The following PNLIPRP3 variants were observed in gnomAD, a reference collection of about 807,000 sequenced individuals.
PNLIPRP3 encodes pancreatic lipase related protein 3, also known as pancreatic lipase-related protein 3.
Under a neutral mutation model 52.8 loss-of-function variants are expected in PNLIPRP3, and 58 were observed. That is an observed-to-expected ratio of 1.10 (90% CI 0.89 to 1.37). PNLIPRP3 has a LOEUF of 1.37. Among genes scored for constraint, PNLIPRP3 ranks in the 40% most tolerant of loss-of-function variants. The pLI is 0.00. For synonymous variants in PNLIPRP3, 192 were observed against 185.0 expected, an observed-to-expected ratio of 1.04 and a Z score of -0.31; for missense variants, 593 against 561.6, an observed-to-expected ratio of 1.06 and a Z score of -0.57.
intron 5 of PNLIPRP3, among the ~76,000 whole-genome samples, chr10:116,460,689 T>C (rs889492257): frequency 6.6e-6 from 1 of 152,256 alleles, no homozygotes; most frequent in Admixed American, 6.5e-5. Flanking sequence ...TTATTGTATA[T>C]ATGGTATTCC....
chr10:116,449,682 C>G (rs917847265), intron 4 of PNLIPRP3, among the ~76,000 whole-genome samples: 5 of 152,088 alleles, frequency 3.3e-5, no homozygotes, highest in Non-Finnish European at 7.4e-5. Flanking sequence ...GATAGATCAC[C>G]TAGATGGAAA....
chr10:116,441,434 A>T (rs1219773827), intron 2 of PNLIPRP3, among the ~76,000 whole-genome samples: 4 of 152,172 alleles, frequency 2.6e-5, no homozygotes, highest in African/African-American at 4.8e-5. Flanking sequence ...GGTTTTTCAG[A>T]TGTAGAAATG....
chr10:116,438,841 A>C (rs1564693512), intron 2 of PNLIPRP3, among the ~76,000 whole-genome samples: 1 of 152,212 alleles, frequency 6.6e-6, no homozygotes, highest in Non-Finnish European at 1.5e-5. Context: ...ACTTATAAAG[A>C]AACATTCCTC....
chr10:116,443,801 G>GTATGTATA (rs1845898955), intron 3 of PNLIPRP3, among the ~76,000 whole-genome samples: 2 of 11,158 alleles, frequency 1.8e-4, no homozygotes, highest in African/African-American at 3.9e-4. Flanking sequence ...ATGTGTGTGT[G>GTATGTATA]CATATATATA....
At chr10:116,460,018 G>C (rs374367692) in intron 5 of PNLIPRP3, among the ~76,000 whole-genome samples, 2 of 152,072 alleles carry the variant, frequency 1.3e-5, no homozygotes, top group East Asian at 3.9e-4. Flanking sequence ...CACCCGCCTC[G>C]GCCTCCGAGG....
intron 1 of PNLIPRP3, among the ~76,000 whole-genome samples, chr10:116,431,929 T>C (rs1024539125): frequency 1.3e-5 from 2 of 152,096 alleles, no homozygotes; most frequent in African/African-American, 4.8e-5. Context: ...CCCCCAGGTC[T>C]TGATGCAAAT....
chr10:116,457,922 T>A (rs1187859751), intron 5 of PNLIPRP3, among the ~76,000 whole-genome samples: 2 of 152,218 alleles, frequency 1.3e-5, no homozygotes, highest in African/African-American at 4.8e-5. Context: ...GAATTAATAT[T>A]ATGTGGATGT....
At position 116,461,655 on chromosome 10, in the gene PNLIPRP3, T is replaced by C. The variant is rs150383683; in HGVS notation, c.808+365T>C. Among the ~76,000 whole-genome samples the C allele has an allele frequency of 5.3e-4, 80 of 152,244 alleles. 2 individuals carry two copies. Among genetic ancestry groups the C allele is most frequent in the Middle Eastern group, 3.4e-3 (1 of 294 alleles). On this transcript the variant is annotated intron_variant, in intron 7 of 11. Transcript: ENST00000369230. ...AGACAAAGGTGCCTCCCTGATGGAG[T>C]TCATTTTCTAACTTGTTAGGAAACC...
At chr10:116,474,908 A>T (rs1211872948) in intron 10 of PNLIPRP3, among the ~76,000 whole-genome samples, 1 of 152,216 alleles carries the variant, frequency 6.6e-6, no homozygotes, top group African/African-American at 2.4e-5. Context: ...CAGAAATATC[A>T]TTTGACCCAG....
At chr10:116,453,534 C>G (rs1449381119) in intron 4 of PNLIPRP3, among the ~76,000 whole-genome samples, 1 of 152,038 alleles carries the variant, frequency 6.6e-6, no homozygotes, top group Admixed American at 6.6e-5. Context: ...ATGTCATCCC[C>G]AATTTGGAAA....
intron 10 of PNLIPRP3, among the ~76,000 whole-genome samples, chr10:116,473,307 C>T (rs1016622703): frequency 4.2e-4 from 64 of 152,134 alleles, no homozygotes; most frequent in African/African-American, 1.5e-3. Context: ...TCTCCATGCT[C>T]ATGGATAGGC....
intron 1 of PNLIPRP3, among the ~76,000 whole-genome samples, chr10:116,433,687 C>T (rs1203084133): frequency 6.6e-6 from 1 of 151,468 alleles, no homozygotes; most frequent in Non-Finnish European, 1.5e-5. Flanking sequence ...GTCTAGACAC[C>T]TTTAAGAGCC....
At chr10:116,447,185 C>T (rs969218694) in intron 4 of PNLIPRP3, among the ~76,000 whole-genome samples, 3 of 152,154 alleles carry the variant, frequency 2.0e-5, no homozygotes, top group African/African-American at 7.2e-5. Context: ...GCCTGAGAGA[C>T]TGATTTCTGT....
chr10:116,455,630 T>G, intron 4 of PNLIPRP3, 92 bp from the exon 5 acceptor site: 1 of 866,730 alleles, frequency 1.2e-6, no homozygotes, highest in Non-Finnish European at 1.7e-6. Flanking sequence ...GGGAGAACCA[T>G]GTTGATCCTT....
intron 5 of PNLIPRP3, among the ~76,000 whole-genome samples, chr10:116,460,007 C>A (rs1433029691): frequency 6.6e-6 from 1 of 152,134 alleles, no homozygotes; most frequent in Non-Finnish European, 1.5e-5. Flanking sequence ...ACCTCGTGAT[C>A]CACCCGCCTC....
At chr10:116,472,570 G>A (rs559213375) in intron 10 of PNLIPRP3, among the ~76,000 whole-genome samples, 182 of 152,230 alleles carry the variant, frequency 1.2e-3, no homozygotes, top group Non-Finnish European at 2.0e-3. Context: ...TCAAACACTG[G>A]GCACAGGCAC....
At chr10:116,445,134 C>G (rs1845925203) in intron 4 of PNLIPRP3, among the ~76,000 whole-genome samples, 1 of 152,032 alleles carries the variant, frequency 6.6e-6, no homozygotes, top group Non-Finnish European at 1.5e-5. Context: ...TTCATTCATT[C>G]AACAAATATA....
intron 4 of PNLIPRP3, among the ~76,000 whole-genome samples, chr10:116,453,177 C>T (rs1259012417): frequency 1.3e-5 from 2 of 152,168 alleles, no homozygotes. Flanking sequence ...TTAATGCCTG[C>T]CCTGCTGGGT....
intron 4 of PNLIPRP3, among the ~76,000 whole-genome samples, chr10:116,451,895 G>A (rs1469669852): frequency 6.6e-6 from 1 of 152,196 alleles, no homozygotes; most frequent in African/African-American, 2.4e-5. Context: ...ACTTCAAAAT[G>A]TGGAAGTGAT....
Sources: gnomAD v4.1 joint callset for allele counts (sites outside exome capture counted in the v4.1 genomes callset) on GRCh38, gnomAD v4.1.1 for gene constraint, MANE v1.5 for transcripts, NCBI Gene and HGNC (gene_info 2026-07-23, HGNC 2026-07-21) for gene names.